Variants in RASA3 observed in about 807,000 individuals in gnomAD.
RASA3 encodes RAS p21 protein activator 3.
Under a neutral mutation model 110.0 loss-of-function variants are expected in RASA3, and 73 were observed. The ratio of observed to expected loss-of-function variants is 0.66; its 90% CI spans 0.55 to 0.81. The LOEUF (loss-of-function observed/expected upper bound fraction) is 0.81. Ranked by LOEUF, RASA3 falls within the 30% of genes least tolerant of loss-of-function variation. RASA3 has a pLI of 0.00. For missense variants in RASA3, 976 were observed against 1,113.2 expected (o/e 0.88, Z 1.75); for synonymous variants, 500 against 451.4 (o/e 1.11, Z -1.37).
chr13:114,003,357 A>G (rs1343787806), intron 18 of RASA3, among the ~76,000 whole-genome samples: 1 of 151,534 alleles, frequency 6.6e-6, no homozygotes, highest in Non-Finnish European at 1.5e-5. Flanking sequence ...CTGTCCTTGA[A>G]CCTGTATCTA....
intron 18 of RASA3, among the ~76,000 whole-genome samples, chr13:114,002,792 C>T (rs2053434193): frequency 1.3e-5 from 2 of 152,178 alleles, no homozygotes; most frequent in Non-Finnish European, 2.9e-5. Context: ...GGTTTTCTAA[C>T]CGGGCCCATC....
intron 3 of RASA3, among the ~76,000 whole-genome samples, chr13:114,042,923 G>A (rs1295905017): frequency 6.6e-6 from 1 of 152,204 alleles, no homozygotes; most frequent in East Asian, 1.9e-4. Flanking sequence ...CGGGGCTGCA[G>A]GGAGAGGGAG....
intron 18 of RASA3, among the ~76,000 whole-genome samples, chr13:114,002,972 AGAGACG>A (rs2053438491): frequency 6.6e-6 from 1 of 152,214 alleles, no homozygotes; most frequent in Non-Finnish European, 1.5e-5. Flanking sequence ...CACAGCCCTG[AGAGACG>A]GCAGAGGTGT....
At chr13:114,118,343 T>C (rs2080324389) in intron 1 of RASA3, among the ~76,000 whole-genome samples, 2 of 152,188 alleles carry the variant, frequency 1.3e-5, no homozygotes, top group South Asian at 4.1e-4. Context: ...GAGGACATTT[T>C]AGTGGGTGGG....
intron 11 of RASA3, among the ~76,000 whole-genome samples, chr13:114,017,846 G>A (rs192251160): frequency 1.1e-4 from 17 of 152,040 alleles, no homozygotes; most frequent in Admixed American, 1.0e-3. Flanking sequence ...GGGGACCTGA[G>A]CTGTCCTCGA....
At chr13:114,053,905 C>T (rs2139570109) in intron 2 of RASA3, among the ~76,000 whole-genome samples, 1 of 152,382 alleles carries the variant, frequency 6.6e-6, no homozygotes, top group East Asian at 1.9e-4. Context: ...ACTAACGAAT[C>T]ACCTAAGATC....
chr13:114,050,864 C>T (rs567560643), intron 3 of RASA3, among the ~76,000 whole-genome samples: 116 of 152,380 alleles, frequency 7.6e-4, no homozygotes, highest in Non-Finnish European at 1.5e-3. Flanking sequence ...GTGCCTCTCA[C>T]TTCTGTGTGC....
intron 4 of RASA3, among the ~76,000 whole-genome samples, chr13:114,032,348 C>A (rs1022887014): frequency 2.6e-5 from 4 of 152,134 alleles, no homozygotes; most frequent in African/African-American, 9.7e-5. Context: ...TAACCAATCA[C>A]AAATCAAAAA....
chr13:114,047,540 G>A (rs981223841), intron 3 of RASA3, among the ~76,000 whole-genome samples: 1 of 152,214 alleles, frequency 6.6e-6, no homozygotes, highest in Non-Finnish European at 1.5e-5. Context: ...CAGCAACCTC[G>A]CTCCCACGCA....
At chr13:113,982,165 G>A (rs1310463143) in intron 22 of RASA3, among the ~76,000 whole-genome samples, 1 of 152,190 alleles carries the variant, frequency 6.6e-6, no homozygotes, top group Non-Finnish European at 1.5e-5. Flanking sequence ...ATTCTCACAG[G>A]GGGATGTGCA....
At chr13:114,025,178 C>G (rs1225793128) in intron 7 of RASA3, among the ~76,000 whole-genome samples, 2 of 152,234 alleles carry the variant, frequency 1.3e-5, no homozygotes, top group African/African-American at 4.8e-5. Flanking sequence ...GCTCTCAGCT[C>G]GAAGTTCTGA....
Position 114,090,801 on chromosome 13 carries a change from C to T in RASA3, c.56-16964G>A, listed in dbSNP as rs1594444556. On this transcript the variant is annotated intron_variant, in intron 1 of 23. Transcript: ENST00000334062. Reference sequence around the variant, plus strand: ...ATGCGTAACAAAAAGAACGCCAGTTCCCTTTTCCTGGAGAAAATACAAGAG... The same window carrying T: ...ATGCGTAACAAAAAGAACGCCAGTTTCCTTTTCCTGGAGAAAATACAAGAG... Among the ~76,000 whole-genome samples, 4 of 152,316 alleles carry T rather than the reference C, an allele frequency of 2.6e-5. No homozygotes were observed. In the South Asian group the frequency reaches 8.3e-4, roughly 32 times the overall value.
intron 2 of RASA3, among the ~76,000 whole-genome samples, chr13:114,068,021 T>G (rs531908453): frequency 6.6e-6 from 1 of 152,352 alleles, no homozygotes; most frequent in African/African-American, 2.4e-5. Context: ...ACAAAAGAAC[T>G]TTTCCTACAG....
chr13:113,995,218 T>C (rs908554952), intron 21 of RASA3, among the ~76,000 whole-genome samples: 1 of 152,234 alleles, frequency 6.6e-6, no homozygotes, highest in Non-Finnish European at 1.5e-5. Context: ...AGGCCAGGTT[T>C]TCTCTCCTCG....
At chr13:114,132,019 C>G (rs957510338) in intron 1 of RASA3, among the ~76,000 whole-genome samples, 6 of 152,142 alleles carry the variant, frequency 3.9e-5, no homozygotes, top group Admixed American at 6.5e-5. Context: ...AGGGAGATGC[C>G]GAGACCCCGA....
intron 2 of RASA3, among the ~76,000 whole-genome samples, chr13:114,055,240 C>T (rs9525227): frequency 0.087 from 13,199 of 152,294 alleles, 1,223 homozygotes; most frequent in African/African-American, 0.22. Context: ...CATGTTCATG[C>T]GTGCATGCAT....
At chr13:114,023,282 GA>G (rs1247251925) in intron 8 of RASA3, among the ~76,000 whole-genome samples, 3 of 151,586 alleles carry the variant, frequency 2.0e-5, no homozygotes, top group African/African-American at 4.9e-5. Context: ...CAGGCTCGGG[GA>G]ACATCCCAGG....
chr13:113,989,827 G>A (rs2053066701), intron 22 of RASA3, among the ~76,000 whole-genome samples: 1 of 152,246 alleles, frequency 6.6e-6, no homozygotes, highest in Non-Finnish European at 1.5e-5. Flanking sequence ...CCAGGCCCAG[G>A]AAGGTCACTG....
chr13:114,101,695 G>A (rs888232596), intron 1 of RASA3, among the ~76,000 whole-genome samples: 2 of 152,228 alleles, frequency 1.3e-5, no homozygotes, highest in African/African-American at 4.8e-5. Context: ...GTTGGAACTG[G>A]AAGCTTCCAG....
Sources: allele counts gnomAD v4.1 joint callset (sites outside exome capture counted in the v4.1 genomes callset), GRCh38; gene constraint gnomAD v4.1.1; transcripts MANE v1.5; gene names NCBI Gene and HGNC (gene_info 2026-07-23, HGNC 2026-07-21).